The following B3GALNT2 variants were observed in gnomAD, a reference collection of about 807,000 sequenced individuals.
The protein encoded by B3GALNT2 is UDP-GalNAc:beta-1,3-N-acetylgalactosaminyltransferase 2.
In B3GALNT2, 53 loss-of-function variants were observed where a neutral mutation model predicts 61.1. The ratio of observed to expected loss-of-function variants is 0.87; its 90% CI spans 0.70 to 1.09. The LOEUF (loss-of-function observed/expected upper bound fraction) is 1.09. B3GALNT2 is among the 50% of genes least tolerant of loss of function. The probability of loss-of-function intolerance (pLI) is 0.00; values close to 1 mark genes in which losing one functional copy is unlikely to be tolerated. For synonymous variants in B3GALNT2, 223 were observed against 237.4 expected, an observed-to-expected ratio of 0.94 and a Z score of 0.56; for missense variants, 544 against 623.0, an observed-to-expected ratio of 0.87 and a Z score of 1.35.
intron 5 of B3GALNT2, among the ~76,000 whole-genome samples, chr1:235,474,987 A>ATATATTTTTTTTTTT (rs1180244284): frequency 2.8e-5 from 1 of 35,578 alleles, no homozygotes; most frequent in East Asian, 8.9e-4. Context: ...ATATATATAT[A>ATATATTTTTTTTTTT]TTTTTTTTTT....
At position 235,448,716 on chromosome 1, in the gene B3GALNT2, A is replaced by G. The variant is rs753594563; in HGVS notation, c.*1490T>C. On this transcript the variant is annotated 3_prime_UTR_variant, in exon 12 of 12. Coordinates refer to ENST00000366600, the MANE Select transcript of B3GALNT2 (RefSeq NM_152490.5). ...CTGGAAAATGACCTAAAGTCATTAC[A>G]GTTTTATTCTGTGGAAAATGGAGAT... The G allele has an allele frequency of 1.2e-6, 2 of 1,614,168 alleles. No individual in the cohort carries two copies. Among genetic ancestry groups the G allele is most frequent in the Non-Finnish European group, 8.5e-7 (1 of 1,180,018 alleles).
intron 5 of B3GALNT2, among the ~76,000 whole-genome samples, chr1:235,473,634 A>G (rs1684108197): frequency 6.6e-6 from 1 of 152,264 alleles, no homozygotes; most frequent in South Asian, 2.1e-4. Context: ...TGGGGCTGTA[A>G]TTATAGATTT....
At chr1:235,504,091 G>A in intron 1 of B3GALNT2, 50 bp downstream of exon 1, 1 of 1,196,542 alleles carries the variant, frequency 8.4e-7, no homozygotes, top group Non-Finnish European at 1.0e-6. Context: ...ACCAAGCCGG[G>A]CCTCCCACCC....
At chr1:235,460,430 G>A (rs1323165956) in intron 7 of B3GALNT2, among the ~76,000 whole-genome samples, 6 of 147,762 alleles carry the variant, frequency 4.1e-5, no homozygotes, top group Admixed American at 6.8e-5. Flanking sequence ...AGGCATGAGC[G>A]ACTGTGCCTG....
At chr1:235,479,641 A>T (rs1034924778) in intron 5 of B3GALNT2, 2 of 156,914 alleles carry the variant, frequency 1.3e-5, no homozygotes, top group African/African-American at 4.8e-5. Flanking sequence ...AACATGGCCC[A>T]TCTCTATCAT....
At chr1:235,467,448 G>T (rs1683752347) in intron 6 of B3GALNT2, among the ~76,000 whole-genome samples, 2 of 151,024 alleles carry the variant, frequency 1.3e-5, no homozygotes. Flanking sequence ...TTCCATAAAA[G>T]ACTGTATATG....
downstream of B3GALNT2, among the ~76,000 whole-genome samples, chr1:235,442,195 A>G (rs914643929): frequency 1.3e-5 from 2 of 151,356 alleles, no homozygotes; most frequent in Admixed American, 6.6e-5. Context: ...ATCGAGACGG[A>G]GTTTTGCTCT....
chr1:235,465,453 G>T (rs929940381), intron 7 of B3GALNT2, 183 bp downstream of exon 7: 5 of 937,162 alleles, frequency 5.3e-6, no homozygotes, highest in African/African-American at 5.0e-5. Context: ...TTTCCTTTTG[G>T]GAGGTGGAGC....
intron 8 of B3GALNT2, among the ~76,000 whole-genome samples, chr1:235,456,564 G>A (rs1006401496): frequency 6.6e-6 from 1 of 152,160 alleles, no homozygotes; most frequent in Non-Finnish European, 1.5e-5. Context: ...AGAATATTTA[G>A]GTCACTGATA....
Position 235,447,970 on chromosome 1 carries a change from G to C in B3GALNT2, c.*2236C>G, listed in dbSNP as rs6429095. ...TCATGCTTGTAATCCCAGCACTTTG[G>C]GGGGCCAGGGCGGGCGGATCACGAG... is the stretch of plus-strand genomic sequence containing the variant. On this transcript the variant is annotated 3_prime_UTR_variant, in exon 12 of 12. Coordinates refer to ENST00000366600, the MANE Select transcript of B3GALNT2 (RefSeq NM_152490.5). Among the ~76,000 whole-genome samples the C allele has an allele frequency of 0.54, 81,333 of 151,488 alleles. 22,123 individuals carry two copies. The highest frequency in any genetic ancestry group is 0.7 in the East Asian group (3,572 of 5,114).
In B3GALNT2 at chr1:235,448,801, G is replaced by GT. The variant is rs1682680765; in HGVS notation, c.*1404dup. Reference sequence around the variant, plus strand: ...AAATTTAAAGACCACACTGCTTATCGTGTCTGGGGTTCACCGGAAATAAAT... The same window carrying GT: ...AAATTTAAAGACCACACTGCTTATCGTTGTCTGGGGTTCACCGGAAATAAAT... On this transcript the variant is annotated 3_prime_UTR_variant, in exon 12 of 12. Coordinates refer to ENST00000366600, the MANE Select transcript of B3GALNT2 (RefSeq NM_152490.5). 1.5e-6 allele frequency: 2 copies of GT among 1,379,176 alleles called. No individual in the cohort carries two copies. The highest frequency in any genetic ancestry group is 2.8e-5 in the African/African-American group (2 of 70,300). 85.4% of individuals were successfully genotyped at this position (1,379,176 alleles called of 1,614,324 possible). A position where few individuals can be genotyped will look rare whatever the true frequency, so the allele number is the denominator to read the frequency against.
At chr1:235,483,681 A>G (rs1684660222) in intron 4 of B3GALNT2, among the ~76,000 whole-genome samples, 1 of 152,198 alleles carries the variant, frequency 6.6e-6, no homozygotes, top group Admixed American at 6.5e-5. Flanking sequence ...AATAAACCAA[A>G]TACAGGAAAA....
At chr1:235,439,828 G>C in the B3GALNT2 span, among the ~76,000 whole-genome samples, 21 of 151,548 alleles carry the variant, frequency 1.4e-4, no homozygotes, top group Admixed American at 1.4e-3. Flanking sequence ...TTGAGACAGA[G>C]TCTTGCTCTG....
chr1:235,491,608 A>C (rs1173680305), intron 2 of B3GALNT2, among the ~76,000 whole-genome samples: 2 of 152,070 alleles, frequency 1.3e-5, no homozygotes, highest in East Asian at 3.8e-4. Context: ...CTATTCTCCA[A>C]GTCAGAACAC....
At chr1:235,446,391 G>T (rs371628401), downstream of B3GALNT2, among the ~76,000 whole-genome samples, 1 of 152,058 alleles carries the variant, frequency 6.6e-6, no homozygotes, top group African/African-American at 2.4e-5. Context: ...TGGCCAGGCT[G>T]GTCTCAAACT....
intron 4 of B3GALNT2, 64 bp downstream of exon 4, chr1:235,484,258 C>G: frequency 6.6e-7 from 1 of 1,512,256 alleles, no homozygotes; most frequent in Non-Finnish European, 8.8e-7. Flanking sequence ...CTGTATGTCA[C>G]AAGGAAAAGT....
At chr1:235,501,994 GAGTC>G (rs1685601865) in intron 1 of B3GALNT2, among the ~76,000 whole-genome samples, 1 of 152,102 alleles carries the variant, frequency 6.6e-6, no homozygotes, top group African/African-American at 2.4e-5. Flanking sequence ...GGAAAGGTAG[GAGTC>G]AGTCTTGTTT....
chr1:235,463,201 A>G (rs985776354), intron 7 of B3GALNT2, among the ~76,000 whole-genome samples: 1 of 152,088 alleles, frequency 6.6e-6, no homozygotes, highest in Admixed American at 6.5e-5. Context: ...CATAAGAATG[A>G]TACAATGGAC....
At chr1:235,479,977 T>C (rs1684478599) in intron 5 of B3GALNT2, 77 bp downstream of exon 5, 2 of 1,566,820 alleles carry the variant, frequency 1.3e-6, no homozygotes, top group Non-Finnish European at 1.7e-6. Context: ...AAATATCAAG[T>C]GCCTGCCCCT....
Sources: allele counts gnomAD v4.1 joint callset (sites outside exome capture counted in the v4.1 genomes callset), GRCh38; gene constraint gnomAD v4.1.1; transcripts MANE v1.5; gene names NCBI Gene and HGNC (gene_info 2026-07-23, HGNC 2026-07-21).